The following TYW1B variants were observed in gnomAD, a reference collection of about 807,000 sequenced individuals.
TYW1B encodes S-adenosyl-L-methionine-dependent tRNA 4-demethylwyosine synthase TYW1B.
A neutral mutation model predicts 86.9 loss-of-function variants in TYW1B; 73 were observed. The ratio of observed to expected loss-of-function variants is 0.84; its 90% CI spans 0.70 to 1.02. The LOEUF (loss-of-function observed/expected upper bound fraction) is 1.02. Ranked by LOEUF, TYW1B falls within the 50% of genes least tolerant of loss-of-function variation. The probability of loss-of-function intolerance (pLI) is 0.00; values close to 1 mark genes in which losing one functional copy is unlikely to be tolerated. For synonymous variants in TYW1B, 248 were observed against 292.8 expected (o/e 0.85, Z 1.56); for missense variants, 637 against 827.4 (o/e 0.77, Z 2.82).
chr7:72,651,990 T>C (rs1190819521), intron 11 of TYW1B, among the ~76,000 whole-genome samples: 2 of 151,730 alleles, frequency 1.3e-5, no homozygotes, highest in Non-Finnish European at 1.5e-5. Context: ...CAATCACAGC[T>C]CACTGCAGCC....
chr7:72,594,937 G>A (rs1554432308), intron 13 of TYW1B, among the ~76,000 whole-genome samples: 2 of 152,120 alleles, frequency 1.3e-5, no homozygotes, highest in Admixed American at 6.5e-5. Flanking sequence ...ACACCCTTTC[G>A]TGTTTTTCAT....
At chr7:72,760,430 G>A (rs768077359) in intron 7 of TYW1B, among the ~76,000 whole-genome samples, 2 of 152,120 alleles carry the variant, frequency 1.3e-5, no homozygotes, top group African/African-American at 2.4e-5. Flanking sequence ...GGATCCAACC[G>A]TCTTATAAAC....
chr7:72,717,644 GACAC>G (rs71071905), intron 9 of TYW1B, among the ~76,000 whole-genome samples: 2,089 of 145,916 alleles, frequency 0.014, 28 homozygotes, highest in African/African-American at 0.035. Context: ...AGCTGTGCTT[GACAC>G]ACACACACAC....
chr7:72,624,904 C>T (rs1812304931), intron 12 of TYW1B, among the ~76,000 whole-genome samples: 1 of 151,810 alleles, frequency 6.6e-6, no homozygotes, highest in South Asian at 2.1e-4. Flanking sequence ...CAAAAAAGTA[C>T]AAAAATTGGC....
chr7:72,737,375 T>A (rs1193737811), intron 8 of TYW1B, among the ~76,000 whole-genome samples: 2 of 152,204 alleles, frequency 1.3e-5, no homozygotes, highest in Non-Finnish European at 2.9e-5. Flanking sequence ...CATTAAGGAA[T>A]GTGTTAATCA....
intron 6 of TYW1B, among the ~76,000 whole-genome samples, chr7:72,788,152 G>A (rs1350178771): frequency 6.6e-6 from 1 of 151,908 alleles, no homozygotes; most frequent in East Asian, 2.0e-4. Flanking sequence ...TAATATTTTT[G>A]TATTTTTTAG....
chr7:72,722,359 A>G (rs2844087), intron 9 of TYW1B, among the ~76,000 whole-genome samples: 246 of 152,302 alleles, frequency 1.6e-3, no homozygotes, highest in African/African-American at 2.0e-3. Flanking sequence ...TGACAAAGAC[A>G]GTGCAATCAC....
chr7:72,749,595 T>G (rs1787460684), intron 7 of TYW1B, among the ~76,000 whole-genome samples: 1 of 152,006 alleles, frequency 6.6e-6, no homozygotes, highest in Non-Finnish European at 1.5e-5. Context: ...CCCAGCCTCT[T>G]TCAAGTCTTA....
At chr7:72,662,978 T>A (rs1813370050) in intron 11 of TYW1B, among the ~76,000 whole-genome samples, 2 of 152,218 alleles carry the variant, frequency 1.3e-5, no homozygotes, top group Admixed American at 1.3e-4. Flanking sequence ...TATTTCCCTT[T>A]CCTGTAAATT....
intron 11 of TYW1B, among the ~76,000 whole-genome samples, chr7:72,675,900 T>C (rs1434057427): frequency 2.6e-5 from 4 of 152,146 alleles, no homozygotes; most frequent in Non-Finnish European, 5.9e-5. Context: ...ATTTCATAAC[T>C]GTAATAGTTT....
chr7:72,779,035 G>A (rs545192953), intron 6 of TYW1B, among the ~76,000 whole-genome samples: 1 of 152,060 alleles, frequency 6.6e-6, no homozygotes, highest in African/African-American at 2.4e-5. Flanking sequence ...CACGAGATCT[G>A]TGTTACACTT....
chr7:72,760,521 G>A (rs1787669344), intron 7 of TYW1B, among the ~76,000 whole-genome samples: 1 of 152,148 alleles, frequency 6.6e-6, no homozygotes, highest in African/African-American at 2.4e-5. Context: ...ATATTTATGT[G>A]TTTATACGTA....
At chr7:72,739,152 G>T (rs1453009598) in intron 8 of TYW1B, among the ~76,000 whole-genome samples, 3 of 152,054 alleles carry the variant, frequency 2.0e-5, no homozygotes, top group African/African-American at 4.8e-5. Context: ...TCTGTCAATT[G>T]AAGTATGTAC....
At chr7:72,737,416 T>G (rs1303371657) in intron 8 of TYW1B, among the ~76,000 whole-genome samples, 1 of 152,140 alleles carries the variant, frequency 6.6e-6, no homozygotes, top group South Asian at 2.1e-4. Flanking sequence ...TCTGGGTAAA[T>G]GTACTGCTCA....
chr7:72,705,610 G>C (rs1344025985), intron 10 of TYW1B, among the ~76,000 whole-genome samples: 1 of 152,194 alleles, frequency 6.6e-6, no homozygotes, highest in East Asian at 1.9e-4. Flanking sequence ...ATGTAAAATA[G>C]ATGATTATGA....
At chr7:72,712,574 G>A (rs1247732843) in intron 10 of TYW1B, among the ~76,000 whole-genome samples, 4 of 152,124 alleles carry the variant, frequency 2.6e-5, no homozygotes, top group East Asian at 3.9e-4. Flanking sequence ...GTGATCCACC[G>A]GCCTCAGTCT....
At chr7:72,605,009 T>C (rs1405819921) in intron 13 of TYW1B, among the ~76,000 whole-genome samples, 6 of 152,190 alleles carry the variant, frequency 3.9e-5, no homozygotes, top group African/African-American at 1.2e-4. Context: ...CTGCCTCTTA[T>C]CAAATGCAGA....
At chr7:72,775,478 C>G (rs1787938327) in intron 7 of TYW1B, among the ~76,000 whole-genome samples, 1 of 152,082 alleles carries the variant, frequency 6.6e-6, no homozygotes, top group South Asian at 2.1e-4. Flanking sequence ...CTGCTGAACT[C>G]TAATCAGAAG....
At chr7:72,743,271 A>C (rs1554462804) in intron 8 of TYW1B, among the ~76,000 whole-genome samples, 1 of 152,208 alleles carries the variant, frequency 6.6e-6, no homozygotes, top group East Asian at 1.9e-4. Flanking sequence ...GGACAGAAGC[A>C]GAAAGAAGAG....
Sources: gnomAD v4.1 joint callset for allele counts (sites outside exome capture counted in the v4.1 genomes callset) on GRCh38, gnomAD v4.1.1 for gene constraint, MANE v1.5 for transcripts, NCBI Gene and HGNC (gene_info 2026-07-23, HGNC 2026-07-21) for gene names.